The following LUZP2 variants were observed in gnomAD, a reference collection of about 807,000 sequenced individuals.
LUZP2 encodes leucine zipper protein 2.
LUZP2 carries 52 observed loss-of-function variants against 51.6 expected under a neutral mutation model. The observed-to-expected ratio is 1.01, with a 90% CI of 0.81 to 1.27. The LOEUF is 1.27. Among genes scored for constraint, LUZP2 ranks in the 50% most tolerant of loss-of-function variants. LUZP2 has a pLI of 0.00. For missense variants in LUZP2, 436 were observed against 395.4 expected (o/e 1.10, Z -0.87); for synonymous variants, 154 against 137.3 (o/e 1.12, Z -0.85).
At chr11:24,774,332 T>TTCTCTCTCTCTC (rs374302170) in intron 5 of LUZP2, among the ~76,000 whole-genome samples, 1,351 of 41,732 alleles carry the variant, frequency 0.032, 64 homozygotes, top group East Asian at 0.046. Flanking sequence ...CTTAGTAAAC[T>TTCTCTCTCTCTC]TCTCTCTCTC....
At position 24,602,186 on chromosome 11, in the gene LUZP2, A is replaced by G. The variant is rs148928569; in HGVS notation, c.62+104881A>G. ...TATATGTGTATATATATGTGTATAT[A>G]TGTATATATGTACATATATGTGTAT... On this transcript the variant is annotated intron_variant, in intron 1 of 11. Transcript: ENST00000336930. 6.7e-3 allele frequency among the ~76,000 whole-genome samples: 922 copies of G among 137,246 alleles called. 50 individuals are homozygous for G. Among genetic ancestry groups the G allele is most frequent in the African/African-American group, 0.023 (863 of 38,056 alleles). 90.0% of individuals were successfully genotyped at this position (137,246 alleles called of 152,430 possible).
chr11:24,878,742 T>C (rs1460892923), intron 5 of LUZP2, among the ~76,000 whole-genome samples: 1 of 151,890 alleles, frequency 6.6e-6, no homozygotes, highest in Non-Finnish European at 1.5e-5. Flanking sequence ...GCTGCACTTA[T>C]TGACCCGTCC....
chr11:25,042,003 A>G (rs990098763), intron 9 of LUZP2, among the ~76,000 whole-genome samples: 3 of 152,170 alleles, frequency 2.0e-5, no homozygotes, highest in African/African-American at 4.8e-5. Flanking sequence ...TCCTGAAATC[A>G]TCGTCTCCCC....
Position 24,847,918 on chromosome 11 carries a change from G to T in LUZP2, c.397-58073G>T, listed in dbSNP as rs548379304. ...TTACGCTATCTCAGTTATGGTAAGT[G>T]GGAACTCATTTAAGCTGGCTTATTT... is the stretch of plus-strand genomic sequence containing the variant. On this transcript the variant is annotated intron_variant, in intron 5 of 11. Transcript: ENST00000336930. Among the ~76,000 whole-genome samples, 176 of 152,178 alleles carry T rather than the reference G, an allele frequency of 1.2e-3. 1 individual carries two copies. Among genetic ancestry groups the T allele is most frequent in the Middle Eastern group, 3.4e-3 (1 of 294 alleles).
chr11:24,580,533 C>T (rs1367569396), intron 1 of LUZP2, among the ~76,000 whole-genome samples: 2 of 152,046 alleles, frequency 1.3e-5, no homozygotes, highest in Non-Finnish European at 2.9e-5. Flanking sequence ...AGCAAAAGCT[C>T]CATGTTAATC....
At chr11:24,838,713 T>C (rs1306837409) in intron 5 of LUZP2, among the ~76,000 whole-genome samples, 1 of 151,730 alleles carries the variant, frequency 6.6e-6, no homozygotes, top group African/African-American at 2.4e-5. Flanking sequence ...TTATTTTCTA[T>C]TTTCAGTTGC....
At chr11:24,924,910 G>T (rs1233655629) in intron 7 of LUZP2, among the ~76,000 whole-genome samples, 1 of 152,074 alleles carries the variant, frequency 6.6e-6, no homozygotes, top group Non-Finnish European at 1.5e-5. Context: ...TTAATATGCA[G>T]ATGAAGCCTC....
chr11:24,958,475 G>T (rs1364317281), intron 7 of LUZP2, among the ~76,000 whole-genome samples: 1 of 152,090 alleles, frequency 6.6e-6, no homozygotes, highest in Non-Finnish European at 1.5e-5. Flanking sequence ...ACTCATTGTG[G>T]TTTTGATTTG....
At chr11:24,623,763 C>G (rs1854585069) in intron 1 of LUZP2, among the ~76,000 whole-genome samples, 1 of 152,144 alleles carries the variant, frequency 6.6e-6, no homozygotes, top group African/African-American at 2.4e-5. Flanking sequence ...AGGAGAATTG[C>G]TTGAATCCGG....
chr11:25,078,816 C>T lies in LUZP2; in HGVS notation c.*158C>T. 1 of 597,336 alleles carries T rather than the reference C, an allele frequency of 1.7e-6. No individual in the cohort carries two copies. Among genetic ancestry groups the T allele is most frequent in the Non-Finnish European group, 2.9e-6 (1 of 347,594 alleles). The allele number at this position is 597,336 out of a possible 1,614,324, so 37.0% of individuals were successfully genotyped here. ...CTACACATTTTCAAAGATTCCAGACCAATTATGATCCTTAAGCAATAACCT... is the reference window on the plus strand; with the variant it reads ...CTACACATTTTCAAAGATTCCAGACTAATTATGATCCTTAAGCAATAACCT... On this transcript the variant is annotated 3_prime_UTR_variant, in exon 12 of 12. Coordinates refer to ENST00000336930, the MANE Select transcript of LUZP2 (RefSeq NM_001009909.4).
intron 5 of LUZP2, among the ~76,000 whole-genome samples, chr11:24,872,642 T>A (rs1017629580): frequency 1.3e-5 from 2 of 152,204 alleles, no homozygotes; most frequent in African/African-American, 4.8e-5. Context: ...GGATTTTTTT[T>A]AATCAAACAG....
intron 9 of LUZP2, among the ~76,000 whole-genome samples, chr11:25,027,829 C>T (rs1857537539): frequency 6.7e-6 from 1 of 149,340 alleles, no homozygotes; most frequent in Non-Finnish European, 1.5e-5. Flanking sequence ...GAGATCACGC[C>T]ACTGCACTCC....
At chr11:25,005,125 C>G (rs938843833) in intron 9 of LUZP2, among the ~76,000 whole-genome samples, 15 of 152,206 alleles carry the variant, frequency 9.9e-5, no homozygotes, top group African/African-American at 3.6e-4. Context: ...TCCCCACCCC[C>G]TACAGCTTGA....
chr11:24,558,059 A>AAAACATTCAAACAGCTGG (rs1359198032), intron 1 of LUZP2, among the ~76,000 whole-genome samples: 1 of 152,150 alleles, frequency 6.6e-6, no homozygotes, highest in Non-Finnish European at 1.5e-5. Context: ...CTGGGAGTCA[A>AAAACATTCAAACAGCTGG]GAGAACAAAA....
At chr11:24,671,812 A>G (rs1171368645) in intron 1 of LUZP2, among the ~76,000 whole-genome samples, 1 of 152,184 alleles carries the variant, frequency 6.6e-6, no homozygotes, top group Non-Finnish European at 1.5e-5. Context: ...TAATGACTAT[A>G]AAACATAAAG....
intron 7 of LUZP2, among the ~76,000 whole-genome samples, chr11:24,951,196 T>A (rs2133863731): frequency 6.6e-6 from 1 of 151,738 alleles, no homozygotes; most frequent in South Asian, 2.1e-4. Context: ...GGGTACCAAC[T>A]GCCAAATACT....
intron 9 of LUZP2, among the ~76,000 whole-genome samples, chr11:25,009,276 G>C (rs557781553): frequency 6.6e-6 from 1 of 152,070 alleles, no homozygotes; most frequent in Admixed American, 6.6e-5. Flanking sequence ...TACTTTAAAT[G>C]ATCTTTTACT....
intron 5 of LUZP2, among the ~76,000 whole-genome samples, chr11:24,848,316 C>T (rs1851268752): frequency 6.6e-6 from 1 of 152,138 alleles, no homozygotes; most frequent in African/African-American, 2.4e-5. Flanking sequence ...TTATAGATCC[C>T]ATCCTTAACA....
chr11:24,825,967 C>G (rs1181169459), intron 5 of LUZP2, among the ~76,000 whole-genome samples: 1 of 151,392 alleles, frequency 6.6e-6, no homozygotes, highest in Non-Finnish European at 1.5e-5. Context: ...GGGTGGATCA[C>G]GAGGTCAGGA....
Sources: gnomAD v4.1 joint callset for allele counts (sites outside exome capture counted in the v4.1 genomes callset) on GRCh38, gnomAD v4.1.1 for gene constraint, MANE v1.5 for transcripts, NCBI Gene and HGNC (gene_info 2026-07-23, HGNC 2026-07-21) for gene names.